CLVS1: variants seen among roughly 807,000 people sequenced by gnomAD.
CLVS1 encodes the protein clavesin-1.
CLVS1 carries 10 observed loss-of-function variants against 33.1 expected under a neutral mutation model. That is an observed-to-expected ratio of 0.30 (90% CI 0.19 to 0.51). CLVS1 has a LOEUF of 0.51. CLVS1 is among the 20% of genes least tolerant of loss of function. The pLI is 0.97. For missense variants in CLVS1, 343 were observed against 433.4 expected (o/e 0.79, Z 1.85); for synonymous variants, 163 against 166.1 (o/e 0.98, Z 0.14).
intron 1 of CLVS1, among the ~76,000 whole-genome samples, chr8:61,074,259 G>A (rs532816841): frequency 1.3e-5 from 2 of 150,324 alleles, no homozygotes; most frequent in East Asian, 3.9e-4. Context: ...GACTGATTGA[G>A]CCAGGGAGGT....
At chr8:61,249,127 AT>A (rs1808880885) in intron 2 of CLVS1, among the ~76,000 whole-genome samples, 1 of 152,054 alleles carries the variant, frequency 6.6e-6, no homozygotes, top group South Asian at 2.1e-4. Flanking sequence ...ATGTGTTCTC[AT>A]TGTTCAAATC....
At chr8:61,078,622 A>G (rs1473170734) in intron 1 of CLVS1, among the ~76,000 whole-genome samples, 2 of 152,190 alleles carry the variant, frequency 1.3e-5, no homozygotes, top group Non-Finnish European at 2.9e-5. Flanking sequence ...CTCTAATAAT[A>G]AATCTAACAA....
At chr8:61,158,511 G>T (rs534272136) in intron 2 of CLVS1, among the ~76,000 whole-genome samples, 5 of 152,168 alleles carry the variant, frequency 3.3e-5, no homozygotes, top group Non-Finnish European at 7.3e-5. Context: ...ATCATTGGTA[G>T]TGAAATTGGT....
rs184964524 is a variant in CLVS1 at position 61,128,974 on chromosome 8, G to A, written c.-242-2796G>A. On this transcript the variant is annotated intron_variant, in intron 1 of 2. Coordinates refer to the CLVS1 transcript ENST00000522621. ...CTCTCCTGTTATTGGAATTCTTAAT[G>A]CTTTAGTGAGTGATTTCTTTTTTAT... is the stretch of plus-strand genomic sequence containing the variant. Among the ~76,000 whole-genome samples, 44 of 152,290 alleles carry A rather than the reference G, an allele frequency of 2.9e-4. No homozygotes were observed. In the Middle Eastern group the frequency reaches 0.014, roughly 47 times the overall value.
At chr8:61,005,501 A>C in the CLVS1 span, among the ~76,000 whole-genome samples, 4 of 151,734 alleles carry the variant, frequency 2.6e-5, no homozygotes, top group Admixed American at 6.6e-5. Flanking sequence ...AAAAGAAAAG[A>C]AAAAAAAGCC....
At position 61,387,551 on chromosome 8, in the gene CLVS1, G is replaced by T. The variant is rs889192657; in HGVS notation, c.630+10772G>T. Among the ~76,000 whole-genome samples, 3 of 146,072 alleles carry T rather than the reference G, an allele frequency of 2.1e-5. No homozygotes were observed. In the Admixed American group the frequency reaches 2.1e-4, roughly 10 times the overall value. On this transcript the variant is annotated intron_variant, in intron 3 of 5. Transcript: ENST00000325897. ...CTACATGAATAAGTTCTTTAGTGGT[G>T]ATTTCTGAGATTTTGGTGCACCCAT...
intron 2 of CLVS1, among the ~76,000 whole-genome samples, chr8:61,265,582 T>C (rs1809288407): frequency 6.6e-6 from 1 of 152,228 alleles, no homozygotes; most frequent in Admixed American, 6.5e-5. Context: ...TAGGTTTCAC[T>C]AGCAAATGTT....
chr8:61,430,428 A>G (rs1245004611), intron 3 of CLVS1, among the ~76,000 whole-genome samples: 4 of 152,196 alleles, frequency 2.6e-5, no homozygotes, highest in Non-Finnish European at 5.9e-5. Context: ...ATTTTTCAGA[A>G]AGGAGGGGGA....
At chr8:61,164,652 T>C (rs1407978441) in intron 2 of CLVS1, among the ~76,000 whole-genome samples, 2 of 152,142 alleles carry the variant, frequency 1.3e-5, no homozygotes, top group African/African-American at 2.4e-5. Flanking sequence ...CTGAGCCCTA[T>C]GCAAATCAGA....
intron 2 of CLVS1, among the ~76,000 whole-genome samples, chr8:61,316,963 ATGTT>A (rs1415133070): frequency 7.9e-5 from 12 of 152,186 alleles, no homozygotes; most frequent in African/African-American, 2.9e-4. Flanking sequence ...GTCCATAAAA[ATGTT>A]TGGCCCCTTA....
At chr8:61,451,262 A>G (rs1325406651) in intron 3 of CLVS1, among the ~76,000 whole-genome samples, 1 of 152,078 alleles carries the variant, frequency 6.6e-6, no homozygotes, top group Non-Finnish European at 1.5e-5. Context: ...GTAGGATTAT[A>G]GGGGCTTTTT....
At chr8:61,339,020 G>A (rs1252386805) in intron 2 of CLVS1, among the ~76,000 whole-genome samples, 2 of 152,060 alleles carry the variant, frequency 1.3e-5, no homozygotes, top group East Asian at 3.9e-4. Flanking sequence ...GCCTGTGTGT[G>A]TGTGTGTGTG....
chr8:61,337,501 G>A (rs1363252996), intron 2 of CLVS1, among the ~76,000 whole-genome samples: 4 of 152,104 alleles, frequency 2.6e-5, no homozygotes, highest in African/African-American at 9.7e-5. Flanking sequence ...TTGCTTTAGA[G>A]TGACTGCCCC....
chr8:61,068,841 T>G (rs2129279718), intron 1 of CLVS1, among the ~76,000 whole-genome samples: 1 of 152,298 alleles, frequency 6.6e-6, no homozygotes, highest in African/African-American at 2.4e-5. Context: ...AATTGTTCCT[T>G]CTCTTCCTAC....
At chr8:61,337,715 CA>C (rs1811856448) in intron 2 of CLVS1, among the ~76,000 whole-genome samples, 1 of 152,116 alleles carries the variant, frequency 6.6e-6, no homozygotes, top group South Asian at 2.1e-4. Flanking sequence ...TTTTTATTTT[CA>C]AAAGGAGGAA....
intron 2 of CLVS1, among the ~76,000 whole-genome samples, chr8:61,167,121 G>T (rs1475035574): frequency 6.6e-6 from 1 of 151,028 alleles, no homozygotes; most frequent in Non-Finnish European, 1.5e-5. Flanking sequence ...GTTCCCCTGA[G>T]TCTTGTTCTT....
intron 5 of CLVS1, among the ~76,000 whole-genome samples, chr8:61,485,610 A>G (rs546602784): frequency 1.2e-3 from 181 of 152,358 alleles, no homozygotes; most frequent in Non-Finnish European, 1.9e-3. Context: ...TACCCAAAGG[A>G]TTATAAATCA....
intron 3 of CLVS1, among the ~76,000 whole-genome samples, chr8:61,392,287 G>A (rs973168364): frequency 6.6e-6 from 1 of 151,790 alleles, no homozygotes; most frequent in Admixed American, 6.6e-5. Flanking sequence ...AGCTATGATT[G>A]CACCACTGCA....
chr8:61,301,309 G>A (rs901893078), intron 2 of CLVS1, among the ~76,000 whole-genome samples: 2 of 152,018 alleles, frequency 1.3e-5, no homozygotes, highest in Non-Finnish European at 1.5e-5. Context: ...CAACCCTTTG[G>A]ACTTGACCTG....
Sources: gnomAD v4.1 joint callset for allele counts (sites outside exome capture counted in the v4.1 genomes callset) on GRCh38, gnomAD v4.1.1 for gene constraint, MANE v1.5 for transcripts, NCBI Gene and HGNC (gene_info 2026-07-23, HGNC 2026-07-21) for gene names.